Variants in RYR3 observed in about 807,000 individuals in gnomAD.
RYR3 encodes the protein brain ryanodine receptor-calcium release channel.
RYR3 carries 207 observed loss-of-function variants against 584.3 expected under a neutral mutation model. That is an observed-to-expected ratio of 0.35 (90% confidence interval 0.32 to 0.40). The LOEUF (loss-of-function observed/expected upper bound fraction) is 0.40, where lower values mean the gene tolerates loss of function less well. RYR3 is among the 10% of genes least tolerant of loss of function. The pLI, the probability that RYR3 is intolerant of heterozygous loss-of-function variation, is 1.00. For synonymous variants in RYR3, 2,416 were observed against 2,248.5 expected, an observed-to-expected ratio of 1.07 and a Z score of -2.11; for missense variants, 5,616 against 6,089.2, an observed-to-expected ratio of 0.92 and a Z score of 2.59.
intron 18 of RYR3, 80 bp from the exon 19 acceptor site, chr15:33,613,103 C>T (rs565283781): frequency 1.2e-5 from 13 of 1,079,522 alleles, no homozygotes; most frequent in East Asian, 2.5e-5. Context: ...CCCCACCTCC[C>T]GCAGAGGCCT....
chr15:33,318,761 C>G (rs1968544836), intron 1 of RYR3, among the ~76,000 whole-genome samples: 1 of 152,176 alleles, frequency 6.6e-6, no homozygotes, highest in Non-Finnish European at 1.5e-5. Context: ...GGTGCTAATA[C>G]ATACTTTGTT....
intron 1 of RYR3, among the ~76,000 whole-genome samples, chr15:33,387,353 T>C (rs904852876): frequency 4.6e-5 from 7 of 152,196 alleles, no homozygotes; most frequent in Non-Finnish European, 8.8e-5. Flanking sequence ...TACCCAGAAG[T>C]GGACTTGCTG....
chr15:33,751,925 TC>T (rs1237071522), intron 57 of RYR3, among the ~76,000 whole-genome samples: 3 of 152,170 alleles, frequency 2.0e-5, no homozygotes, highest in Admixed American at 6.5e-5. Flanking sequence ...AGAGAAGGGA[TC>T]CAGTTTCAGC....
intron 2 of RYR3, among the ~76,000 whole-genome samples, chr15:33,496,595 C>T (rs2051447248): frequency 6.6e-6 from 1 of 152,092 alleles, no homozygotes; most frequent in Admixed American, 6.6e-5. Flanking sequence ...TAGAATGCTA[C>T]TTCAATTAAT....
chr15:33,712,189 C>T (rs937966021), intron 43 of RYR3, among the ~76,000 whole-genome samples: 1 of 152,170 alleles, frequency 6.6e-6, no homozygotes, highest in African/African-American at 2.4e-5. Flanking sequence ...CTCTTAAGAA[C>T]TCACTGTTGT....
At chr15:33,657,097 CCA>C in intron 32 of RYR3, among the ~76,000 whole-genome samples, 1 of 152,286 alleles carries the variant, frequency 6.6e-6, no homozygotes, top group African/African-American at 2.4e-5. Context: ...CCTCATGAGC[CCA>C]CACTTGTGTT....
intron 57 of RYR3, among the ~76,000 whole-genome samples, chr15:33,750,888 C>A (rs1177359630): frequency 6.6e-6 from 1 of 152,156 alleles, no homozygotes; most frequent in Non-Finnish European, 1.5e-5. Context: ...ACAACCCCCA[C>A]AGGCCCTGGG....
intron 14 of RYR3, among the ~76,000 whole-genome samples, chr15:33,582,888 A>T (rs1002128961): frequency 1.3e-5 from 2 of 152,186 alleles, no homozygotes; most frequent in African/African-American, 4.8e-5. Context: ...TGAAATTCCA[A>T]TTCAAACCTA....
At chr15:33,475,911 A>G (rs977324901) in intron 2 of RYR3, among the ~76,000 whole-genome samples, 3 of 152,228 alleles carry the variant, frequency 2.0e-5, no homozygotes, top group Non-Finnish European at 4.4e-5. Flanking sequence ...TGTTCTTTAA[A>G]ATAAGGAAAA....
chr15:33,404,436 T>C (rs985790606), intron 1 of RYR3, among the ~76,000 whole-genome samples: 8 of 152,218 alleles, frequency 5.3e-5, no homozygotes, highest in Admixed American at 5.2e-4. Flanking sequence ...TTGTCTGCTC[T>C]CAAAGCTCAG....
At chr15:33,854,739 TA>T in intron 97 of RYR3, 26 bp from the exon 98 acceptor site, 1 of 1,582,960 alleles carries the variant, frequency 6.3e-7, no homozygotes, top group South Asian at 1.2e-5. Flanking sequence ...CAAACATGCT[TA>T]AAAGTCTGCT....
chr15:33,775,301 T>C (rs2073921451), intron 64 of RYR3, among the ~76,000 whole-genome samples: 1 of 146,830 alleles, frequency 6.8e-6, no homozygotes, highest in African/African-American at 2.5e-5. Context: ...ATCTGTGTGT[T>C]GGTTATTAGG....
chr15:33,626,284 A>C (rs1479707716), intron 20 of RYR3, among the ~76,000 whole-genome samples: 1 of 152,170 alleles, frequency 6.6e-6, no homozygotes, highest in Non-Finnish European at 1.5e-5. Context: ...CCTCAGATGG[A>C]GATAGAGGAA....
intron 1 of RYR3, among the ~76,000 whole-genome samples, chr15:33,405,908 G>GGCCCATAGCATCCTCACAGGTGTCTA (rs1567175845): frequency 5.9e-5 from 9 of 152,188 alleles, no homozygotes; most frequent in African/African-American, 2.2e-4. Flanking sequence ...CACAGTGGCT[G>GGCCCATAGCATCCTCACAGGTGTCTA]TAGGCCCATA....
intron 32 of RYR3, among the ~76,000 whole-genome samples, chr15:33,659,452 G>A (rs531300170): frequency 1.3e-5 from 2 of 152,344 alleles, no homozygotes; most frequent in Admixed American, 1.3e-4. Flanking sequence ...CCTGTGCACT[G>A]GAGGAAGCTA....
At chr15:33,461,125 T>C (rs1027570081) in intron 1 of RYR3, among the ~76,000 whole-genome samples, 19 of 151,838 alleles carry the variant, frequency 1.3e-4, no homozygotes, top group Non-Finnish European at 4.4e-5. Flanking sequence ...TTTGTATTTT[T>C]AGTAGAGACG....
intron 1 of RYR3, among the ~76,000 whole-genome samples, chr15:33,381,939 G>A (rs2041217844): frequency 1.3e-5 from 2 of 152,162 alleles, no homozygotes; most frequent in African/African-American, 2.4e-5. Context: ...GAGTGCAGGG[G>A]CAGTGGTAGG....
chr15:33,385,689 C>CT (rs10711381), intron 1 of RYR3, among the ~76,000 whole-genome samples: 1 of 143,818 alleles, frequency 7.0e-6, no homozygotes, highest in Admixed American at 7.0e-5. Context: ...TTTTTCTTTT[C>CT]TTTTTTTTTC....
At chr15:33,562,520 A>G (rs1467286766) in intron 10 of RYR3, among the ~76,000 whole-genome samples, 2 of 152,150 alleles carry the variant, frequency 1.3e-5, no homozygotes, top group Non-Finnish European at 2.9e-5. Flanking sequence ...TATATAAATC[A>G]GGATGAGGAA....
Sources: gnomAD v4.1 joint callset for allele counts (sites outside exome capture counted in the v4.1 genomes callset) on GRCh38, gnomAD v4.1.1 for gene constraint, MANE v1.5 for transcripts, NCBI Gene and HGNC (gene_info 2026-07-23, HGNC 2026-07-21) for gene names.